Variants in SSH2 observed in about 807,000 individuals in gnomAD.
SSH2 encodes the protein slingshot protein phosphatase 2.
A neutral mutation model predicts 135.2 loss-of-function variants in SSH2; 37 were observed. The ratio of observed to expected loss-of-function variants is 0.27; its 90% CI spans 0.21 to 0.36. SSH2 has a LOEUF of 0.36. Ranked by LOEUF, SSH2 falls within the 10% of genes least tolerant of loss-of-function variation. SSH2 has a pLI of 1.00. For missense variants in SSH2, 1,408 were observed against 1,765.3 expected (o/e 0.80, Z 3.63); for synonymous variants, 628 against 646.2 (o/e 0.97, Z 0.43).
At chr17:29,789,518 T>TC (rs1567975668) in intron 3 of SSH2, among the ~76,000 whole-genome samples, 2 of 152,122 alleles carry the variant, frequency 1.3e-5, no homozygotes, top group Admixed American at 1.3e-4. Flanking sequence ...GGAAGAAGGA[T>TC]CCCCCCAAAG....
chr17:29,665,231 C>G (rs2151030107), intron 11 of SSH2, among the ~76,000 whole-genome samples: 1 of 152,284 alleles, frequency 6.6e-6, no homozygotes, highest in East Asian at 1.9e-4. Context: ...AGGTGTCTTG[C>G]AAATGGAAAA....
At chr17:29,723,548 C>T (rs1005383435) in intron 3 of SSH2, among the ~76,000 whole-genome samples, 2 of 152,118 alleles carry the variant, frequency 1.3e-5, no homozygotes, top group African/African-American at 2.4e-5. Flanking sequence ...TATTACAAAA[C>T]CTCTTCTCTG....
chr17:29,705,451 G>T (rs1196340925), intron 3 of SSH2, among the ~76,000 whole-genome samples: 3 of 151,778 alleles, frequency 2.0e-5, no homozygotes, highest in Admixed American at 2.0e-4. Flanking sequence ...CAAACCCCAG[G>T]TGCTGTATCA....
At chr17:29,771,410 A>G (rs1469937811) in intron 3 of SSH2, among the ~76,000 whole-genome samples, 1 of 152,202 alleles carries the variant, frequency 6.6e-6, no homozygotes, top group Non-Finnish European at 1.5e-5. Context: ...ATCACTTTAT[A>G]TCTTTCTTAA....
chr17:29,757,066 T>C (rs1371073529), intron 3 of SSH2, among the ~76,000 whole-genome samples: 1 of 152,196 alleles, frequency 6.6e-6, no homozygotes, highest in Non-Finnish European at 1.5e-5. Context: ...GGGCTAAGTG[T>C]ACTCATGTAT....
At chr17:29,773,480 ACT>A (rs971672644) in intron 3 of SSH2, among the ~76,000 whole-genome samples, 27 of 152,032 alleles carry the variant, frequency 1.8e-4, no homozygotes, top group Non-Finnish European at 3.4e-4. Context: ...AAACATTTTG[ACT>A]CTCTTTTCTG....
At chr17:29,683,909 C>A (rs953551115) in intron 6 of SSH2, among the ~76,000 whole-genome samples, 1 of 152,010 alleles carries the variant, frequency 6.6e-6, no homozygotes, top group African/African-American at 2.4e-5. Context: ...GACTGCATCA[C>A]GGCACTTCAG....
At chr17:29,802,993 T>C (rs1476836291) in intron 2 of SSH2, among the ~76,000 whole-genome samples, 1 of 152,188 alleles carries the variant, frequency 6.6e-6, no homozygotes, top group Non-Finnish European at 1.5e-5. Context: ...AAGAGACATA[T>C]GTGCTTCGAA....
chr17:29,642,616 C>T (rs1327137625), intron 14 of SSH2, among the ~76,000 whole-genome samples: 3 of 151,044 alleles, frequency 2.0e-5, no homozygotes, highest in Non-Finnish European at 2.9e-5. Context: ...TCTATAAAAA[C>T]AGAAAAAATA....
chr17:29,630,903 T>C lies in SSH2; in HGVS notation c.4291A>G (p.Arg1431Gly), dbSNP rs751481315. Residue 1431 changes from arginine to glycine, a missense_variant, in exon 16 of 16, where the codon AGG becomes GGG. Arg to Gly is a moderately radical substitution (Grantham distance 125, BLOSUM62 -2). Transcript: ENST00000540801. ...RQQHGRTHPL[R>G]RLKKANDKKR... ...TTGTCATTTGCCTTTTTCAGTCTCC[T>C]AAGGGGGTGAGTTCTGCCGTGTTGC... is the stretch of plus-strand genomic sequence containing the variant. 14 of 1,602,474 alleles carry C rather than the reference T, an allele frequency of 8.7e-6. No homozygotes were observed. In the African/African-American group the frequency reaches 1.7e-4, roughly 20 times the overall value.
chr17:29,728,529 A>G (rs1215422774), intron 3 of SSH2, among the ~76,000 whole-genome samples: 2 of 152,252 alleles, frequency 1.3e-5, no homozygotes, highest in Non-Finnish European at 2.9e-5. Flanking sequence ...GACATTCTTC[A>G]CAGAAATAGA....
At chr17:29,805,137 AATT>A (rs541484273) in intron 2 of SSH2, among the ~76,000 whole-genome samples, 10 of 150,066 alleles carry the variant, frequency 6.7e-5, no homozygotes, top group South Asian at 2.1e-4. Flanking sequence ...CATGCCTATA[AATT>A]ATTATTATTA....
chr17:29,801,632 C>A (rs1410632879), intron 2 of SSH2, among the ~76,000 whole-genome samples: 1 of 152,200 alleles, frequency 6.6e-6, no homozygotes, highest in African/African-American at 2.4e-5. Flanking sequence ...GCGACACTAC[C>A]AGTTCTGTTT....
intron 2 of SSH2, among the ~76,000 whole-genome samples, chr17:29,819,997 A>AT (rs960925023): frequency 6.6e-6 from 1 of 152,226 alleles, no homozygotes; most frequent in African/African-American, 2.4e-5. Context: ...ATTTAAAAAC[A>AT]TTTTTCCAGT....
intron 4 of SSH2, among the ~76,000 whole-genome samples, chr17:29,697,383 G>A (rs180709912): frequency 6.6e-6 from 1 of 152,194 alleles, no homozygotes; most frequent in Admixed American, 6.5e-5. Flanking sequence ...TTAATTATGA[G>A]ATGAAATACT....
chr17:29,838,711 A>G (rs1257977096), intron 2 of SSH2, among the ~76,000 whole-genome samples: 1 of 151,982 alleles, frequency 6.6e-6, no homozygotes, highest in Non-Finnish European at 1.5e-5. Context: ...CTCTGCTGAG[A>G]GCTGAACAAC....
chr17:29,855,842 GA>G, intron 1 of SSH2: 1 of 171,880 alleles, frequency 5.8e-6, no homozygotes, highest in East Asian at 1.8e-4. Context: ...TTATTTTGAA[GA>G]GCCCCAGAGG....
intron 12 of SSH2, among the ~76,000 whole-genome samples, chr17:29,651,090 T>C (rs2036562048): frequency 6.6e-6 from 1 of 152,208 alleles, no homozygotes; most frequent in African/African-American, 2.4e-5. Context: ...GTATCCTTGA[T>C]AGTATTCTGA....
At chr17:29,865,670 A>G (rs1372625073) in intron 1 of SSH2, among the ~76,000 whole-genome samples, 3 of 152,242 alleles carry the variant, frequency 2.0e-5, no homozygotes, top group Admixed American at 1.3e-4. Flanking sequence ...AATTTAACCT[A>G]TAAAAGACAG....
Sources: allele counts gnomAD v4.1 joint callset (sites outside exome capture counted in the v4.1 genomes callset), GRCh38; gene constraint gnomAD v4.1.1; transcripts MANE v1.5; gene names NCBI Gene and HGNC (gene_info 2026-07-23, HGNC 2026-07-21).